GTF2F2: variants seen among roughly 807,000 people sequenced by gnomAD.
The protein encoded by GTF2F2 is ATP-dependent helicase GTF2F2.
A neutral mutation model predicts 42.2 loss-of-function variants in GTF2F2; 23 were observed. That is an observed-to-expected ratio of 0.55 (90% CI 0.39 to 0.77). The LOEUF (loss-of-function observed/expected upper bound fraction) is 0.77, where lower values mean the gene tolerates loss of function less well. Among genes scored for constraint, GTF2F2 ranks in the 30% least tolerant of loss-of-function variants. The pLI is 0.00. For missense variants in GTF2F2, 261 were observed against 287.2 expected (o/e 0.91, Z 0.66); for synonymous variants, 105 against 100.8 (o/e 1.04, Z -0.25).
At chr13:45,220,600 G>T (rs1874068208) in intron 5 of GTF2F2, among the ~76,000 whole-genome samples, 1 of 152,142 alleles carries the variant, frequency 6.6e-6, no homozygotes, top group Admixed American at 6.6e-5. Context: ...CCAAGGAAGG[G>T]ATAAAACAAT....
intron 4 of GTF2F2, 78 bp from the exon 5 acceptor site, chr13:45,207,346 T>A: frequency 1.3e-6 from 1 of 785,446 alleles, no homozygotes; most frequent in Non-Finnish European, 2.2e-6. Context: ...ATTGTCATAT[T>A]ACTGTGTTTA....
intron 5 of GTF2F2, among the ~76,000 whole-genome samples, chr13:45,212,143 G>A (rs1336464286): frequency 1.2e-4 from 18 of 152,174 alleles, no homozygotes; most frequent in Non-Finnish European, 1.5e-5. Flanking sequence ...AAGTAGAAGT[G>A]TTTGAGAACA....
In GTF2F2 at chr13:45,267,325, A is replaced by C; in HGVS notation, c.579A>C (p.Lys193Asn). The change falls in exon 7 of 8, where the codon AAA (lysine) becomes AAC (asparagine). Residue 193 changes from lysine (K) to asparagine (N), a missense_variant. By Grantham distance (94) the Lys-to-Asn change is moderately conservative. Coordinates refer to ENST00000340473, the MANE Select transcript of GTF2F2 (RefSeq NM_004128.3). ...VLDMLFSAFE[K>N]HQYYNLKDLV... is the part of the protein sequence containing the mutation. ...ACATGCTATTTTCAGCCTTTGAGAA[A>C]CATCAATACTATAATCTTAAGGACT... 1 of 1,610,964 alleles carries C rather than the reference A, an allele frequency of 6.2e-7. No homozygotes were observed. Among genetic ancestry groups the C allele is most frequent in the Non-Finnish European group, 8.5e-7 (1 of 1,177,234 alleles).
chr13:45,240,374 G>T (rs951310656), intron 5 of GTF2F2, among the ~76,000 whole-genome samples: 1 of 152,054 alleles, frequency 6.6e-6, no homozygotes, highest in African/African-American at 2.4e-5. Flanking sequence ...CTGGAATATA[G>T]ATATATATAG....
intron 5 of GTF2F2, among the ~76,000 whole-genome samples, chr13:45,245,961 TCC>T (rs1875579969): frequency 6.7e-6 from 1 of 148,632 alleles, no homozygotes; most frequent in African/African-American, 2.4e-5. Context: ...AAAAAAGTAT[TCC>T]CTTTTCACCA....
At chr13:45,162,588 A>G (rs76308838) in intron 4 of GTF2F2, among the ~76,000 whole-genome samples, 1,821 of 152,302 alleles carry the variant, frequency 0.012, 31 homozygotes, top group African/African-American at 0.037. Context: ...ATAGCAGAAA[A>G]TGTTCCTTTA....
At chr13:45,274,583 C>T (rs1407602705) in intron 7 of GTF2F2, among the ~76,000 whole-genome samples, 1 of 152,054 alleles carries the variant, frequency 6.6e-6, no homozygotes, top group African/African-American at 2.4e-5. Flanking sequence ...CCCACCTTGA[C>T]CACCTAAAGT....
chr13:45,124,387 A>G (rs989476536), intron 1 of GTF2F2, among the ~76,000 whole-genome samples: 1 of 149,570 alleles, frequency 6.7e-6, no homozygotes, highest in African/African-American at 2.5e-5. Context: ...TGGCCTCCCC[A>G]CTGGCCTTTT....
intron 4 of GTF2F2, among the ~76,000 whole-genome samples, chr13:45,194,954 A>AT (rs1192823437): frequency 6.6e-6 from 1 of 152,208 alleles, no homozygotes; most frequent in African/African-American, 2.4e-5. Flanking sequence ...TGCCTAAGTT[A>AT]TTTTTTAATC....
intron 4 of GTF2F2, among the ~76,000 whole-genome samples, chr13:45,183,703 T>C (rs1011261311): frequency 1.3e-5 from 2 of 152,086 alleles, no homozygotes; most frequent in Non-Finnish European, 2.9e-5. Context: ...CATCACCTCA[T>C]GAGATCATTA....
chr13:45,192,622 T>C (rs1419534086), intron 4 of GTF2F2, among the ~76,000 whole-genome samples: 1 of 152,154 alleles, frequency 6.6e-6, no homozygotes, highest in East Asian at 1.9e-4. Flanking sequence ...AGGGGGAAAA[T>C]ACACTCATTT....
intron 5 of GTF2F2, among the ~76,000 whole-genome samples, chr13:45,241,184 A>AAT (rs71697631): frequency 0.062 from 8,904 of 143,734 alleles, 323 homozygotes; most frequent in South Asian, 0.13. Flanking sequence ...ATAAATATAA[A>AAT]ATATATATAT....
At chr13:45,255,672 TAA>T (rs1050142017) in intron 6 of GTF2F2, among the ~76,000 whole-genome samples, 24 of 152,336 alleles carry the variant, frequency 1.6e-4, no homozygotes, top group Admixed American at 1.4e-3. Flanking sequence ...GAGCTACGTG[TAA>T]ATAGAGATTC....
chr13:45,149,660 T>A, intron 2 of GTF2F2, 110 bp from the exon 3 acceptor site: 4 of 1,110,420 alleles, frequency 3.6e-6, no homozygotes, highest in Non-Finnish European at 4.9e-6. Flanking sequence ...TTAATCTCTG[T>A]AAATGTAATA....
chr13:45,194,035 CT>C, intron 4 of GTF2F2: 1 of 1,614,128 alleles, frequency 6.2e-7, no homozygotes, highest in African/African-American at 1.3e-5. Flanking sequence ...ATCCAGCCTG[CT>C]TTTGGACACC....
chr13:45,198,143 A>G (rs1261384475), intron 4 of GTF2F2, among the ~76,000 whole-genome samples: 2 of 152,208 alleles, frequency 1.3e-5, no homozygotes, highest in Non-Finnish European at 2.9e-5. Context: ...AATTGGGTCC[A>G]ATGCCTAACT....
At chr13:45,281,127 T>C (rs1403072826) in intron 7 of GTF2F2, among the ~76,000 whole-genome samples, 1 of 152,228 alleles carries the variant, frequency 6.6e-6, no homozygotes, top group African/African-American at 2.4e-5. Flanking sequence ...TACCTAGATA[T>C]CTCAAGCCTT....
chr13:45,224,090 A>G (rs1874229559), intron 5 of GTF2F2, among the ~76,000 whole-genome samples: 1 of 152,218 alleles, frequency 6.6e-6, no homozygotes, highest in Non-Finnish European at 1.5e-5. Context: ...AGTTTTTCAT[A>G]TGAATACCCA....
chr13:45,123,674 G>A (rs549538665), intron 1 of GTF2F2, among the ~76,000 whole-genome samples: 1 of 151,672 alleles, frequency 6.6e-6, no homozygotes, highest in Admixed American at 6.6e-5. Context: ...GCAGGACTGG[G>A]GATAAATAGT....
Sources: allele counts gnomAD v4.1 joint callset (sites outside exome capture counted in the v4.1 genomes callset), GRCh38; gene constraint gnomAD v4.1.1; transcripts MANE v1.5; gene names NCBI Gene and HGNC (gene_info 2026-07-23, HGNC 2026-07-21).